DPYD: variants seen among roughly 807,000 people sequenced by gnomAD.
The protein encoded by DPYD is dihydropyrimidine dehydrogenase.
A neutral mutation model predicts 116.2 loss-of-function variants in DPYD; 109 were observed. The observed-to-expected ratio is 0.94, with a 90% CI of 0.80 to 1.10. DPYD has a LOEUF of 1.10. Ranked by LOEUF, DPYD falls within the 50% of genes least tolerant of loss-of-function variation. DPYD has a pLI of 0.00. For missense variants in DPYD, 1,302 were observed against 1,254.5 expected, an observed-to-expected ratio of 1.04 and a Z score of -0.57; for synonymous variants, 440 against 432.0, an observed-to-expected ratio of 1.02 and a Z score of -0.23.
chr1:97,268,774 T>C (rs1323019648), intron 18 of DPYD, among the ~76,000 whole-genome samples: 1 of 152,170 alleles, frequency 6.6e-6, no homozygotes, highest in Non-Finnish European at 1.5e-5. Context: ...CTAACTTGCC[T>C]TGAAGATCTC....
chr1:97,203,428 C>T (rs75392002), intron 19 of DPYD, among the ~76,000 whole-genome samples: 2,193 of 127,064 alleles, frequency 0.017, 46 homozygotes, highest in South Asian at 0.092. Context: ...GTCATAATGC[C>T]TAGAGAGAAA....
intron 8 of DPYD, among the ~76,000 whole-genome samples, chr1:97,596,200 A>T (rs1654872892): frequency 6.6e-6 from 1 of 152,154 alleles, no homozygotes; most frequent in Non-Finnish European, 1.5e-5. Flanking sequence ...TTGTAATCAA[A>T]ATACAGTCTT....
At chr1:97,587,743 GA>G (rs1654232471) in intron 10 of DPYD, among the ~76,000 whole-genome samples, 1 of 148,920 alleles carries the variant, frequency 6.7e-6, no homozygotes, top group South Asian at 2.1e-4. Context: ...AGAATGGCGT[GA>G]ACCCGGGAGG....
chr1:97,704,519 G>A (rs1571219266), intron 5 of DPYD, among the ~76,000 whole-genome samples: 3 of 151,870 alleles, frequency 2.0e-5, no homozygotes, highest in East Asian at 1.9e-4. Context: ...CCATAAATAC[G>A]AAGAATATTT....
chr1:97,397,088 A>G (rs918519398), intron 14 of DPYD, among the ~76,000 whole-genome samples: 2 of 152,030 alleles, frequency 1.3e-5, no homozygotes, highest in African/African-American at 2.4e-5. Context: ...ACCTAATGTA[A>G]TTTAGTAAAT....
chr1:97,826,002 A>T (rs1353345388), intron 3 of DPYD, among the ~76,000 whole-genome samples: 1 of 148,626 alleles, frequency 6.7e-6, no homozygotes, highest in African/African-American at 2.5e-5. Context: ...ACTGTGTTTA[A>T]TGAATCCAGA....
chr1:97,455,463 G>A (rs1424721917), intron 13 of DPYD, among the ~76,000 whole-genome samples: 1 of 151,858 alleles, frequency 6.6e-6, no homozygotes, highest in Admixed American at 6.6e-5. Context: ...ATGACCAACT[G>A]TTTCCTAAAA....
chr1:97,212,792 G>A (rs576846512), intron 19 of DPYD, among the ~76,000 whole-genome samples: 32 of 151,820 alleles, frequency 2.1e-4, no homozygotes, highest in Non-Finnish European at 4.1e-4. Context: ...ATAGTGTACC[G>A]GTTAAAATAA....
chr1:97,177,383 G>A (rs1200481310), intron 20 of DPYD, among the ~76,000 whole-genome samples: 1 of 152,168 alleles, frequency 6.6e-6, no homozygotes, highest in Non-Finnish European at 1.5e-5. Context: ...GTGATCAGTA[G>A]TAAATAACTC....
chr1:97,449,054 CAG>C (rs936116183), intron 14 of DPYD, among the ~76,000 whole-genome samples: 14 of 151,644 alleles, frequency 9.2e-5, no homozygotes, highest in Non-Finnish European at 1.8e-4. Context: ...CTGTCTAAAA[CAG>C]AAAAAAAACT....
At chr1:97,861,964 C>T (rs1671138989) in intron 2 of DPYD, among the ~76,000 whole-genome samples, 1 of 151,770 alleles carries the variant, frequency 6.6e-6, no homozygotes, top group South Asian at 2.1e-4. Flanking sequence ...GTAAATAAAA[C>T]AAAGATGTCA....
At chr1:97,575,086 TTTTCAGAG>T (rs1653179505) in intron 10 of DPYD, among the ~76,000 whole-genome samples, 1 of 152,142 alleles carries the variant, frequency 6.6e-6, no homozygotes, top group Non-Finnish European at 1.5e-5. Flanking sequence ...CGCAGGCCCA[TTTTCAGAG>T]TTTCTAACTT....
At chr1:97,769,309 T>TA (rs1307948842) in intron 3 of DPYD, among the ~76,000 whole-genome samples, 1 of 152,120 alleles carries the variant, frequency 6.6e-6, no homozygotes, top group African/African-American at 2.4e-5. Flanking sequence ...GGAAAAGTAA[T>TA]AGTCAACAAG....
At chr1:97,721,481 G>T in intron 5 of DPYD, 29 bp downstream of exon 5, 1 of 1,609,566 alleles carries the variant, frequency 6.2e-7, no homozygotes, top group South Asian at 1.1e-5. Context: ...GATGGTAGTG[G>T]GGGGATGTCA....
intron 19 of DPYD, among the ~76,000 whole-genome samples, chr1:97,234,625 TG>T (rs1381912873): frequency 7.2e-5 from 11 of 152,306 alleles, no homozygotes; most frequent in African/African-American, 2.6e-4. Context: ...GGTGAATAAA[TG>T]TATTAAGAAA....
intron 2 of DPYD, among the ~76,000 whole-genome samples, chr1:97,838,474 G>C (rs943547316): frequency 2.6e-5 from 4 of 152,204 alleles, no homozygotes; most frequent in Admixed American, 6.5e-5. Flanking sequence ...AACAGAGTCA[G>C]ATTTTTCAAG....
At chr1:97,723,390 T>G (rs956424207) in intron 4 of DPYD, among the ~76,000 whole-genome samples, 10 of 151,536 alleles carry the variant, frequency 6.6e-5, no homozygotes, top group African/African-American at 2.4e-4. Flanking sequence ...CATGGCTCAA[T>G]AGATTACAGA....
intron 13 of DPYD, among the ~76,000 whole-genome samples, chr1:97,515,294 AT>A (rs1335489159): frequency 1.3e-5 from 2 of 151,928 alleles, no homozygotes; most frequent in African/African-American, 2.4e-5. Flanking sequence ...TGTATTCCAA[AT>A]TTATAAAGAA....
intron 16 of DPYD, among the ~76,000 whole-genome samples, chr1:97,365,749 C>T (rs1670999604): frequency 6.6e-6 from 1 of 152,050 alleles, no homozygotes; most frequent in Admixed American, 6.6e-5. Context: ...CACCTCAGTA[C>T]CCCAAGTAGC....
Sources: allele counts gnomAD v4.1 joint callset (sites outside exome capture counted in the v4.1 genomes callset), GRCh38; gene constraint gnomAD v4.1.1; transcripts MANE v1.5; gene names NCBI Gene and HGNC (gene_info 2026-07-23, HGNC 2026-07-21).